PRKN: variants seen among roughly 807,000 people sequenced by gnomAD.
The protein encoded by PRKN is parkin RBR E3 ubiquitin protein ligase.
In PRKN, 56 loss-of-function variants were observed where a neutral mutation model predicts 59.5. The ratio of observed to expected loss-of-function variants is 0.94; its 90% CI spans 0.76 to 1.18. The LOEUF is 1.18. PRKN is among the 50% of genes most tolerant of loss of function. PRKN has a pLI of 0.00. For synonymous variants in PRKN, 250 were observed against 222.1 expected (o/e 1.13, Z -1.12); for missense variants, 657 against 596.4 (o/e 1.10, Z -1.06).
rs1374141871 is a variant in PRKN, at chr6:161,552,793, G to GTT, written c.934-3792_934-3791dup. On this transcript the variant is annotated intron_variant, in intron 8 of 11. Transcript: ENST00000366898. The surrounding 1 kb of genome is among the most constrained non-coding windows in gnomAD (Gnocchi z 4.9). ...ACACCATGGTTTTGTTGTTGTTTTT[G>GTT]TTTTTTGTTTTTTTTTTTTAGACGG... 6.4e-4 allele frequency among the ~76,000 whole-genome samples: 92 copies of GTT among 143,164 alleles called. No individual in the cohort carries two copies. The highest frequency in any genetic ancestry group is 6.7e-4 in the South Asian group (3 of 4,462). 93.9% of individuals were successfully genotyped at this position (143,164 alleles called of 152,430 possible).
chr6:162,152,111 T>C (rs977912070), intron 4 of PRKN, among the ~76,000 whole-genome samples: 1 of 152,172 alleles, frequency 6.6e-6, no homozygotes, highest in Non-Finnish European at 1.5e-5. Flanking sequence ...ACAGTAGAAT[T>C]GGAAAGAAAG....
At position 162,178,352 on chromosome 6, in the gene PRKN, C is replaced by T. The variant is rs185502042; in HGVS notation, c.534+22779G>A. On this transcript the variant is annotated intron_variant, in intron 4 of 11. Transcript: ENST00000366898. ...AATTCAATGAGCAAATTGTAATGGG[C>T]CTATCCCTTAAGACACTGGTGTTTG... Among the ~76,000 whole-genome samples the T allele has an allele frequency of 2.0e-3, 312 of 152,306 alleles. 1 individual carries two copies. The highest frequency in any genetic ancestry group is 7.2e-3 in the African/African-American group (299 of 41,570).
At chr6:162,256,842 G>T (rs1295521453) in intron 3 of PRKN, among the ~76,000 whole-genome samples, 1 of 152,126 alleles carries the variant, frequency 6.6e-6, no homozygotes, top group Admixed American at 6.6e-5. Flanking sequence ...ACCTTGCAGA[G>T]GTGACTTCAG....
In PRKN at chr6:161,566,699, G is replaced by A. The variant is rs192793331; in HGVS notation, c.933+2656C>T. On this transcript the variant is annotated intron_variant, in intron 8 of 11. Transcript: ENST00000366898. This position sits in a 1 kb window ranked among gnomAD's most constrained non-coding sequence, Gnocchi z 4.1. ...TGGGATTACAGGTGTGAGCTGCCACGCCTGGCCTCCTCCCACTTTATTATT... is the reference window on the plus strand; with the variant it reads ...TGGGATTACAGGTGTGAGCTGCCACACCTGGCCTCCTCCCACTTTATTATT... Among the ~76,000 whole-genome samples, 36 of 152,140 alleles carry A rather than the reference G, an allele frequency of 2.4e-4. No individual in the cohort carries two copies. The highest frequency in any genetic ancestry group is 8.4e-4 in the African/African-American group (35 of 41,504).
chr6:162,622,479 T>C (rs1050640890), intron 1 of PRKN, among the ~76,000 whole-genome samples: 3 of 152,124 alleles, frequency 2.0e-5, no homozygotes, highest in African/African-American at 7.2e-5. Context: ...CCACCGTGCC[T>C]GGCCTTCCTC....
intron 5 of PRKN, among the ~76,000 whole-genome samples, chr6:162,017,407 A>C (rs1177145027): frequency 6.6e-6 from 1 of 152,224 alleles, no homozygotes; most frequent in Non-Finnish European, 1.5e-5. Flanking sequence ...TATAGAAGGC[A>C]TGTGGCATGG....
intron 4 of PRKN, among the ~76,000 whole-genome samples, chr6:162,101,496 G>A (rs888340899): frequency 2.0e-5 from 3 of 151,030 alleles, no homozygotes; most frequent in African/African-American, 7.4e-5. Flanking sequence ...GAGAAACCCT[G>A]TCTCTACTAA....
chr6:162,073,917 A>G (rs1778698283), intron 4 of PRKN, among the ~76,000 whole-genome samples: 1 of 152,238 alleles, frequency 6.6e-6, no homozygotes, highest in Non-Finnish European at 1.5e-5. Flanking sequence ...AATGCAAATC[A>G]AAATCACAAT....
chr6:161,943,853 C>T (rs1462113548), intron 6 of PRKN, among the ~76,000 whole-genome samples: 6 of 51,686 alleles, frequency 1.2e-4, no homozygotes, highest in Non-Finnish European at 2.8e-4. Flanking sequence ...AGGGATCAGC[C>T]TGAGGAAGCA....
chr6:161,901,381 G>C (rs1484008036), intron 6 of PRKN, among the ~76,000 whole-genome samples: 1 of 152,168 alleles, frequency 6.6e-6, no homozygotes, highest in Non-Finnish European at 1.5e-5. Context: ...CTGGGGGAGA[G>C]AAAAAGTAGG....
intron 5 of PRKN, among the ~76,000 whole-genome samples, chr6:162,048,063 T>A (rs1313078944): frequency 6.6e-6 from 1 of 152,178 alleles, no homozygotes; most frequent in African/African-American, 2.4e-5. Context: ...GGTGTTACGC[T>A]ACTTGTTCTG....
At position 161,578,752 on chromosome 6, in the gene PRKN, T is replaced by C. The variant is rs181285411; in HGVS notation, c.872-9336A>G. On this transcript the variant is annotated intron_variant, in intron 7 of 11. Coordinates refer to ENST00000366898, the MANE Select transcript of PRKN (RefSeq NM_004562.3). The surrounding 1 kb of genome is among the most constrained non-coding windows in gnomAD (Gnocchi z 4.2). Reference sequence around the variant, plus strand: ...GATTTTCTGTGGTCATTTGGGAGGTTTGAGACAGAGGACAAGGTAGAACAT... The same window carrying C: ...GATTTTCTGTGGTCATTTGGGAGGTCTGAGACAGAGGACAAGGTAGAACAT... 6.6e-6 allele frequency among the ~76,000 whole-genome samples: 1 copy of C among 152,326 alleles called. No homozygotes were observed. The highest frequency in any genetic ancestry group is 6.5e-5 in the Admixed American group (1 of 15,290).
chr6:162,534,931 TCCTTA>T (rs1778657061), intron 1 of PRKN, among the ~76,000 whole-genome samples: 1 of 152,060 alleles, frequency 6.6e-6, no homozygotes, highest in Non-Finnish European at 1.5e-5. Flanking sequence ...AGGAGAAGCA[TCCTTA>T]CCTAAGAACA....
chr6:162,284,721 T>G (rs1218961498), intron 2 of PRKN, among the ~76,000 whole-genome samples: 1 of 152,190 alleles, frequency 6.6e-6, no homozygotes, highest in Non-Finnish European at 1.5e-5. Flanking sequence ...CAGCTGAGAA[T>G]GATATTCGTA....
chr6:161,568,383 G>C (rs2115477194), intron 8 of PRKN, among the ~76,000 whole-genome samples: 1 of 152,286 alleles, frequency 6.6e-6, no homozygotes, highest in African/African-American at 2.4e-5. Context: ...CATGACGTCA[G>C]GAAATCGAAA....
At chr6:162,083,735 G>C (rs1169695115) in intron 4 of PRKN, among the ~76,000 whole-genome samples, 1 of 151,934 alleles carries the variant, frequency 6.6e-6, no homozygotes, top group Non-Finnish European at 1.5e-5. Context: ...TTAATAACTT[G>C]ATGCCAGAAG....
At chr6:161,492,746 G>A (rs1777606253) in intron 9 of PRKN, among the ~76,000 whole-genome samples, 1 of 152,148 alleles carries the variant, frequency 6.6e-6, no homozygotes, top group Admixed American at 6.5e-5. Flanking sequence ...AGAGAAGTGG[G>A]TACTGGTGAG....
At chr6:162,553,554 A>T (rs1281025904) in intron 1 of PRKN, among the ~76,000 whole-genome samples, 1 of 146,210 alleles carries the variant, frequency 6.8e-6, no homozygotes, top group African/African-American at 2.5e-5. Context: ...AAAAAAAAAA[A>T]AAACACCCTA....
Position 161,456,030 on chromosome 6 carries a change from A to G in PRKN, c.1084-69153T>C, listed in dbSNP as rs1285018228. On this transcript the variant is annotated intron_variant, in intron 9 of 11. Transcript: ENST00000366898. The surrounding 1 kb of genome is among the most constrained non-coding windows in gnomAD (Gnocchi z 4.8). ...ATCACTATGAAAAAATGTTTTCCTA[A>G]GGAGAACGTTGGCCTCTAGGGGAAG... is the stretch of plus-strand genomic sequence containing the variant. Among the ~76,000 whole-genome samples the G allele has an allele frequency of 6.6e-6, 1 of 152,162 alleles. No individual in the cohort carries two copies. The highest frequency in any genetic ancestry group is 1.5e-5 in the Non-Finnish European group (1 of 68,030).
Sources: gnomAD v4.1 joint callset for allele counts (sites outside exome capture counted in the v4.1 genomes callset) on GRCh38, gnomAD v4.1.1 for gene constraint, Gnocchi (gnomAD v3.1) non-coding constraint, MANE v1.5 for transcripts, NCBI Gene and HGNC (gene_info 2026-07-23, HGNC 2026-07-21) for gene names.